DRC4: variants seen among roughly 807,000 people sequenced by gnomAD.
The protein encoded by DRC4 is dynein regulatory complex subunit 4.
the DRC4 span, among the ~76,000 whole-genome samples, chr16:90,025,939 A>G: frequency 6.6e-6 from 1 of 151,958 alleles, no homozygotes; most frequent in Non-Finnish European, 1.5e-5. Flanking sequence ...AAATTTCCAC[A>G]TGAAATTTGT....
At chr16:90,035,833 C>T in the DRC4 span, 1 of 1,555,294 alleles carries the variant, frequency 6.4e-7, no homozygotes, top group Non-Finnish European at 8.7e-7. Context: ...ATGGAAGTTT[C>T]CAAGGCCAGT....
chr16:90,039,933 C>G, the DRC4 span: 1 of 309,310 alleles, frequency 3.2e-6, no homozygotes, highest in Non-Finnish European at 6.4e-6. Context: ...GCTGGATGCC[C>G]TGGATCTCAA....
chr16:90,029,323 G>A, the DRC4 span: 4 of 1,362,328 alleles, frequency 2.9e-6, no homozygotes, highest in South Asian at 2.3e-5. Context: ...CTCCTGCCCC[G>A]CAGCAGAGGA....
the DRC4 span, among the ~76,000 whole-genome samples, chr16:90,021,111 C>G: frequency 2.6e-5 from 4 of 152,232 alleles, no homozygotes; most frequent in African/African-American, 9.6e-5. Context: ...CTGCTTTGTG[C>G]AAGCTGAGCC....
At chr16:90,032,855 G>A in the DRC4 span, 1 of 1,613,950 alleles carries the variant, frequency 6.2e-7, no homozygotes, top group Non-Finnish European at 8.5e-7. Context: ...GCAAGGACAT[G>A]CGGGCACTGA....
chr16:90,032,709 G>T, the DRC4 span: 2 of 1,613,066 alleles, frequency 1.2e-6, no homozygotes, highest in Admixed American at 1.7e-5. Flanking sequence ...TACTCCCATT[G>T]CCCTGCAGGT....
chr16:90,035,518 A>G, the DRC4 span: 2 of 1,320,566 alleles, frequency 1.5e-6, no homozygotes, highest in South Asian at 1.2e-5. Flanking sequence ...TAGTTGAGGG[A>G]GGTGAGTTAG....
chr16:90,027,719 G>A, the DRC4 span: 10 of 1,614,138 alleles, frequency 6.2e-6, no homozygotes, highest in South Asian at 7.7e-5. Flanking sequence ...TGAGCAAGGA[G>A]CAGGTGAGCA....
At chr16:90,025,160 G>A in the DRC4 span, among the ~76,000 whole-genome samples, 1 of 150,970 alleles carries the variant, frequency 6.6e-6, no homozygotes, top group African/African-American at 2.4e-5. Context: ...GGGACTACAG[G>A]TGCCCGCCAC....
At chr16:90,042,939 C>A in the DRC4 span, 5 of 532,084 alleles carry the variant, frequency 9.4e-6, no homozygotes, top group African/African-American at 7.6e-5. Context: ...ACAGCTCTGC[C>A]CTGAGTGTCC....
At chr16:90,026,279 T>G in the DRC4 span, among the ~76,000 whole-genome samples, 1 of 152,184 alleles carries the variant, frequency 6.6e-6, no homozygotes, top group Non-Finnish European at 1.5e-5. Flanking sequence ...ATGCGTGGTT[T>G]CAGCAACTTC....
the DRC4 span, chr16:90,032,916 C>G: frequency 3.1e-6 from 5 of 1,613,096 alleles, no homozygotes; most frequent in Non-Finnish European, 4.2e-6. Flanking sequence ...GGTGAAGAAC[C>G]TGCGGCTGGT....
chr16:90,030,101 C>T, the DRC4 span, among the ~76,000 whole-genome samples: 1 of 152,106 alleles, frequency 6.6e-6, no homozygotes. Context: ...AAGCTGGAAG[C>T]CTGTCCTACA....
chr16:90,041,343 TGA>T, the DRC4 span, among the ~76,000 whole-genome samples: 1 of 152,104 alleles, frequency 6.6e-6, no homozygotes, highest in Admixed American at 6.5e-5. Context: ...TGGCCAGGTG[TGA>T]GGGGGCTGCT....
At chr16:90,021,210 A>C in the DRC4 span, among the ~76,000 whole-genome samples, 2 of 152,220 alleles carry the variant, frequency 1.3e-5, no homozygotes, top group African/African-American at 4.8e-5. Context: ...AGTGGTTCTC[A>C]GATTCCCACC....
the DRC4 span, among the ~76,000 whole-genome samples, chr16:90,038,485 G>A: frequency 6.6e-6 from 1 of 152,224 alleles, no homozygotes. Flanking sequence ...CTAATGCTCT[G>A]CTGCTATAAG....
At chr16:90,028,379 G>T in the DRC4 span, among the ~76,000 whole-genome samples, 8 of 151,120 alleles carry the variant, frequency 5.3e-5, no homozygotes, top group East Asian at 1.6e-3. Context: ...TAGTAGAGAC[G>T]GGGTTTCACC....
chr16:90,032,034 G>C, the DRC4 span, among the ~76,000 whole-genome samples: 1 of 152,080 alleles, frequency 6.6e-6, no homozygotes, highest in African/African-American at 2.4e-5. Context: ...TACAGGTGAG[G>C]AGGTGTAGTA....
chr16:90,037,771 G>A, the DRC4 span: 2 of 1,614,124 alleles, frequency 1.2e-6, no homozygotes, highest in South Asian at 1.1e-5. Context: ...GTGCACAAAA[G>A]CCCGTTTGAA....
Sources: allele counts gnomAD v4.1 joint callset (sites outside exome capture counted in the v4.1 genomes callset), GRCh38; gene constraint gnomAD v4.1.1; transcripts MANE v1.5; gene names NCBI Gene and HGNC (gene_info 2026-07-23, HGNC 2026-07-21).